The following SH3PXD2A variants were observed in gnomAD, a reference collection of about 807,000 sequenced individuals.
SH3PXD2A encodes the protein SH3 and PX domains 2A.
Under a neutral mutation model 115.2 loss-of-function variants are expected in SH3PXD2A, and 32 were observed. That is an observed-to-expected ratio of 0.28 (90% confidence interval 0.21 to 0.37). SH3PXD2A has a LOEUF of 0.37. Among genes scored for constraint, SH3PXD2A ranks in the 10% least tolerant of loss-of-function variants. The probability of loss-of-function intolerance (pLI) is 1.00; values close to 1 mark genes in which losing one functional copy is unlikely to be tolerated. For missense variants in SH3PXD2A, 1,328 were observed against 1,498.7 expected (o/e 0.89, Z 1.88); for synonymous variants, 610 against 629.1 (o/e 0.97, Z 0.45).
intron 1 of SH3PXD2A, among the ~76,000 whole-genome samples, chr10:103,809,686 C>T (rs1277319228): frequency 7.4e-6 from 1 of 134,348 alleles, no homozygotes; most frequent in Admixed American, 7.7e-5. Flanking sequence ...TCCCTCCCTC[C>T]CTCCCTTCCT....
intron 1 of SH3PXD2A, among the ~76,000 whole-genome samples, chr10:103,809,194 G>C (rs763182506): frequency 4.6e-5 from 7 of 152,120 alleles, no homozygotes; most frequent in Non-Finnish European, 1.0e-4. Flanking sequence ...CTGCAGATTT[G>C]GGGAACAACC....
At chr10:103,606,785 G>T (rs1171312278) in intron 13 of SH3PXD2A, among the ~76,000 whole-genome samples, 1 of 152,146 alleles carries the variant, frequency 6.6e-6, no homozygotes, top group Non-Finnish European at 1.5e-5. Flanking sequence ...ACGGAGTCTC[G>T]TTCACTCAGT....
chr10:103,602,264 G>A lies in SH3PXD2A; in HGVS notation c.2954C>T (p.Ser985Phe), dbSNP rs886507644. 2 of 1,612,570 alleles carry A rather than the reference G, an allele frequency of 1.2e-6. No homozygotes were observed. Among genetic ancestry groups the A allele is most frequent in the African/African-American group, 1.3e-5 (1 of 75,032 alleles). ...CAGGTTGTTGTCCTTGGGTGGCGGGGACACAAACACCGACTGGGGCCTGAC... is the reference window on the plus strand; with the variant it reads ...CAGGTTGTTGTCCTTGGGTGGCGGGAACACAAACACCGACTGGGGCCTGAC... The part of the protein sequence containing the change: ...VAVRPQSVFV[S>F]PPPKDNNLSC... Residue 985 changes from serine (S) to phenylalanine (F), a missense_variant, in exon 15 of 15, where the codon TCC (serine) becomes TTC (phenylalanine). Ser to Phe is a radical substitution (Grantham distance 155). Coordinates refer to ENST00000369774, the MANE Select transcript of SH3PXD2A (RefSeq NM_001394015.1).
chr10:103,721,341 GGCCTGGCCCCAGA>G (rs1179283650), intron 5 of SH3PXD2A, among the ~76,000 whole-genome samples: 1 of 152,170 alleles, frequency 6.6e-6, no homozygotes, highest in Non-Finnish European at 1.5e-5. Context: ...TAAGTGGCAG[GGCCTGGCCCCAGA>G]GCCTGGCCCC....
intron 13 of SH3PXD2A, among the ~76,000 whole-genome samples, chr10:103,607,888 C>T (rs1282766676): frequency 1.3e-5 from 2 of 152,016 alleles, no homozygotes; most frequent in Admixed American, 1.3e-4. Flanking sequence ...GTGCTGTGTC[C>T]ACTCAGGGTT....
Position 103,855,289 on chromosome 10 carries a change from G to A in SH3PXD2A, c.-23C>T. On this transcript the variant is annotated 5_prime_UTR_variant, in exon 1 of 15. Transcript: ENST00000369774. ...CATCTTCCCCCACAAAGCGAGTGGC[G>A]CCCCCGGCGGCGTCACCTTCTCATC... 2 of 1,495,220 alleles carry A rather than the reference G, an allele frequency of 1.3e-6. No individual in the cohort carries two copies. The highest frequency in any genetic ancestry group is 1.8e-6 in the Non-Finnish European group (2 of 1,116,928). 92.6% of individuals were successfully genotyped at this position (1,495,220 alleles called of 1,614,324 possible). A position where few individuals can be genotyped will look rare whatever the true frequency, so the allele number is the denominator to read the frequency against.
In SH3PXD2A at chr10:103,845,927, G is replaced by T. The variant is rs149195213; in HGVS notation, c.72+9268C>A. On this transcript the variant is annotated intron_variant, in intron 1 of 14. Transcript: ENST00000369774. ...ACTCCATCAATCCCTACCCCACCTG[G>T]TACACCCTGCAAGTTCATTCTCAAC... Among the ~76,000 whole-genome samples, 3 of 152,292 alleles carry T rather than the reference G, an allele frequency of 2.0e-5. No homozygotes were observed. The East Asian group carries it at 5.8e-4, about 29-fold the overall frequency.
At chr10:103,685,650 T>C (rs2037668611) in intron 6 of SH3PXD2A, among the ~76,000 whole-genome samples, 1 of 152,218 alleles carries the variant, frequency 6.6e-6, no homozygotes, top group African/African-American at 2.4e-5. Context: ...GGCACGGTGC[T>C]GGAGTTATCA....
chr10:103,606,689 GT>G (rs2036313794), intron 13 of SH3PXD2A, among the ~76,000 whole-genome samples: 2 of 152,266 alleles, frequency 1.3e-5, no homozygotes, highest in South Asian at 4.1e-4. Flanking sequence ...TGGAGACGGG[GT>G]TTCGCTGTGT....
At position 103,767,396 on chromosome 10, in the gene SH3PXD2A, G is replaced by A. The variant is rs147032455; in HGVS notation, c.154-227C>T. Among the ~76,000 whole-genome samples the A allele has an allele frequency of 5.6e-4, 85 of 152,322 alleles. 1 individual carries two copies. The East Asian group carries it at 0.012, about 21-fold the overall frequency. On this transcript the variant is annotated intron_variant, in intron 2 of 14. Transcript: ENST00000369774. ...GGGCATCTGATCAATCTCAGTGAGC[G>A]GGTAGGAGTGCAGGGGAAGGTGTCA...
At chr10:103,707,561 T>C (rs1205429016) in intron 5 of SH3PXD2A, among the ~76,000 whole-genome samples, 1 of 151,266 alleles carries the variant, frequency 6.6e-6, no homozygotes, top group Non-Finnish European at 1.5e-5. Context: ...TTGCCTAGGC[T>C]CATCTTGAAC....
At chr10:103,635,035 G>A (rs2036843633) in intron 8 of SH3PXD2A, among the ~76,000 whole-genome samples, 1 of 152,188 alleles carries the variant, frequency 6.6e-6, no homozygotes, top group Non-Finnish European at 1.5e-5. Context: ...TGCACAAGCA[G>A]AGGGCAGCCT....
At chr10:103,773,224 C>CAAAAA (rs386372322) in intron 2 of SH3PXD2A, among the ~76,000 whole-genome samples, 1 of 114,884 alleles carries the variant, frequency 8.7e-6, no homozygotes, top group African/African-American at 3.2e-5. Context: ...AACTCTGTCT[C>CAAAAA]AAAAAAAAAA....
At chr10:103,776,073 C>A (rs1423799041) in intron 2 of SH3PXD2A, among the ~76,000 whole-genome samples, 1 of 152,134 alleles carries the variant, frequency 6.6e-6, no homozygotes, top group East Asian at 1.9e-4. Context: ...TGGCTCATGG[C>A]CCCTTTCTCT....
intron 2 of SH3PXD2A, among the ~76,000 whole-genome samples, chr10:103,793,772 A>G (rs1396710928): frequency 6.6e-6 from 1 of 152,220 alleles, no homozygotes; most frequent in Non-Finnish European, 1.5e-5. Context: ...TAGGGTCAGT[A>G]ATCTCGAACA....
chr10:103,830,342 C>T (rs2039471859), intron 1 of SH3PXD2A, among the ~76,000 whole-genome samples: 1 of 152,124 alleles, frequency 6.6e-6, no homozygotes, highest in South Asian at 2.1e-4. Context: ...TAGGCTGAAT[C>T]GGTCCTTAGG....
intron 5 of SH3PXD2A, among the ~76,000 whole-genome samples, chr10:103,702,041 T>C (rs910487172): frequency 1.4e-5 from 2 of 147,554 alleles, no homozygotes; most frequent in African/African-American, 5.2e-5. Flanking sequence ...CCATCCATCA[T>C]CCATCTATCC....
chr10:103,618,739 C>T (rs991755191), intron 10 of SH3PXD2A, among the ~76,000 whole-genome samples: 1 of 152,234 alleles, frequency 6.6e-6, no homozygotes, highest in African/African-American at 2.4e-5. Flanking sequence ...GGCCTCTGGT[C>T]TCTGGGACAC....
intron 6 of SH3PXD2A, among the ~76,000 whole-genome samples, chr10:103,686,745 ATTTTTT>A (rs760028346): frequency 4.7e-5 from 6 of 128,568 alleles, no homozygotes; most frequent in Admixed American, 4.1e-4. Flanking sequence ...TTGCTGGGGA[ATTTTTT>A]TTTTTTTTTT....
Sources: allele counts gnomAD v4.1 joint callset (sites outside exome capture counted in the v4.1 genomes callset), GRCh38; gene constraint gnomAD v4.1.1; transcripts MANE v1.5; gene names NCBI Gene and HGNC (gene_info 2026-07-23, HGNC 2026-07-21).